ADAMTSL1: variants seen among roughly 807,000 people sequenced by gnomAD.
ADAMTSL1 encodes the protein ADAMTS like 1.
Under a neutral mutation model 201.8 loss-of-function variants are expected in ADAMTSL1, and 126 were observed. That is an observed-to-expected ratio of 0.62 (90% CI 0.54 to 0.72). The LOEUF (loss-of-function observed/expected upper bound fraction) is 0.72, where lower values mean the gene tolerates loss of function less well. ADAMTSL1 is among the 30% of genes least tolerant of loss of function. The pLI, the probability that ADAMTSL1 is intolerant of heterozygous loss-of-function variation, is 0.00. For synonymous variants in ADAMTSL1, 1,121 were observed against 903.4 expected (o/e 1.24, Z -4.32); for missense variants, 2,679 against 2,277.8 (o/e 1.18, Z -3.59).
At chr9:18,635,417 C>T (rs1299663972) in intron 5 of ADAMTSL1, among the ~76,000 whole-genome samples, 1 of 151,994 alleles carries the variant, frequency 6.6e-6, no homozygotes, top group Non-Finnish European at 1.5e-5. Context: ...GTGCTCACTA[C>T]ATATAGTATT....
At chr9:18,163,633 G>A (rs530149440) in intron 1 of ADAMTSL1, among the ~76,000 whole-genome samples, 115 of 152,048 alleles carry the variant, frequency 7.6e-4, no homozygotes, top group African/African-American at 1.3e-3. Flanking sequence ...TTGTACACCC[G>A]TCAGTTAAGA....
intron 11 of ADAMTSL1, chr9:18,681,500 CTT>C (rs370098380): frequency 1.1e-5 from 2 of 179,458 alleles, no homozygotes; most frequent in African/African-American, 4.7e-5. Context: ...TCTACAGTCT[CTT>C]TTCTCCTTTC....
At chr9:18,808,993 T>G (rs897986051) in intron 20 of ADAMTSL1, among the ~76,000 whole-genome samples, 3 of 152,164 alleles carry the variant, frequency 2.0e-5, no homozygotes, top group Admixed American at 6.5e-5. Flanking sequence ...AAACACATAT[T>G]TTCACTTAAC....
chr9:17,927,147 C>T (rs1657901399), intron 1 of ADAMTSL1, among the ~76,000 whole-genome samples: 1 of 152,186 alleles, frequency 6.6e-6, no homozygotes, highest in African/African-American at 2.4e-5. Flanking sequence ...AAGTTGGAAT[C>T]ACACAGTATT....
intron 2 of ADAMTSL1, among the ~76,000 whole-genome samples, chr9:18,230,839 C>T (rs1318933020): frequency 6.6e-6 from 1 of 152,090 alleles, no homozygotes; most frequent in Non-Finnish European, 1.5e-5. Flanking sequence ...TACATCCATT[C>T]TTCTGCAAGT....
At chr9:18,775,712 T>A in intron 17 of ADAMTSL1, 31 bp from the exon 18 acceptor site, 1 of 1,607,248 alleles carries the variant, frequency 6.2e-7, no homozygotes, top group Non-Finnish European at 8.5e-7. Flanking sequence ...TCCCAGAATT[T>A]ATGTGCATTT....
At chr9:18,192,026 G>C (rs1045651853) in intron 2 of ADAMTSL1, among the ~76,000 whole-genome samples, 2 of 152,114 alleles carry the variant, frequency 1.3e-5, no homozygotes, top group African/African-American at 4.8e-5. Context: ...TACGGTGTTT[G>C]ACATTGATGG....
At chr9:18,655,083 A>G (rs1828545225) in intron 7 of ADAMTSL1, among the ~76,000 whole-genome samples, 1 of 152,276 alleles carries the variant, frequency 6.6e-6, no homozygotes, top group African/African-American at 2.4e-5. Flanking sequence ...AAAGAAACTT[A>G]GGGAAAATCC....
intron 4 of ADAMTSL1, among the ~76,000 whole-genome samples, chr9:18,610,097 A>G (rs1362108234): frequency 7.2e-5 from 11 of 152,120 alleles, no homozygotes; most frequent in Non-Finnish European, 1.3e-4. Context: ...GAACATGTGG[A>G]TCAAAAACTG....
At chr9:18,301,771 A>G (rs1467938565) in intron 2 of ADAMTSL1, among the ~76,000 whole-genome samples, 1 of 152,252 alleles carries the variant, frequency 6.6e-6, no homozygotes, top group Non-Finnish European at 1.5e-5. Context: ...AAAATGTACT[A>G]ACCTTATGGG....
At chr9:18,290,782 T>G (rs1003057936) in intron 2 of ADAMTSL1, among the ~76,000 whole-genome samples, 3 of 53,264 alleles carry the variant, frequency 5.6e-5, no homozygotes, top group East Asian at 4.0e-4. Context: ...TTTTTGTGTG[T>G]TTTTTTTTTT....
At chr9:18,752,412 C>T (rs2133606297) in intron 15 of ADAMTSL1, among the ~76,000 whole-genome samples, 1 of 152,318 alleles carries the variant, frequency 6.6e-6, no homozygotes, top group African/African-American at 2.4e-5. Flanking sequence ...TGGCCAATTC[C>T]TGTTTGTAAA....
At chr9:18,020,721 C>T (rs923833213) in intron 1 of ADAMTSL1, among the ~76,000 whole-genome samples, 18 of 151,996 alleles carry the variant, frequency 1.2e-4, no homozygotes, top group African/African-American at 2.4e-5. Context: ...CCATATCACC[C>T]GGGTTCCTTG....
intron 16 of ADAMTSL1, among the ~76,000 whole-genome samples, chr9:18,754,232 C>G (rs1237412541): frequency 6.6e-6 from 1 of 152,180 alleles, no homozygotes; most frequent in African/African-American, 2.4e-5. Context: ...CCTTTACAAA[C>G]AAAATTTCTG....
intron 2 of ADAMTSL1, among the ~76,000 whole-genome samples, chr9:18,212,841 C>T (rs1653316086): frequency 1.3e-5 from 2 of 152,112 alleles, no homozygotes; most frequent in African/African-American, 4.8e-5. Flanking sequence ...CTTCAACATT[C>T]CCCACAAATT....
intron 19 of ADAMTSL1, 114 bp downstream of exon 19, chr9:18,778,020 C>A (rs1034163762): frequency 2.2e-6 from 3 of 1,349,118 alleles, no homozygotes; most frequent in Admixed American, 2.8e-5. Context: ...TTAGAGCTGG[C>A]CTCGGGGACC....
intron 3 of ADAMTSL1, among the ~76,000 whole-genome samples, chr9:18,559,941 A>G (rs562751085): frequency 2.0e-5 from 3 of 152,288 alleles, no homozygotes; most frequent in African/African-American, 7.2e-5. Flanking sequence ...ATATACAATT[A>G]TGTCATCTGC....
At chr9:18,399,280 CAT>C (rs561622408) in intron 2 of ADAMTSL1, among the ~76,000 whole-genome samples, 2,158 of 30,562 alleles carry the variant, frequency 0.071, 44 homozygotes, top group Middle Eastern at 0.11. Flanking sequence ...GTCTGCTTTA[CAT>C]ATATATATAT....
At chr9:18,675,421 G>C (rs1830079214) in intron 9 of ADAMTSL1, among the ~76,000 whole-genome samples, 1 of 152,128 alleles carries the variant, frequency 6.6e-6, no homozygotes, top group African/African-American at 2.4e-5. Context: ...TCTCCAGCTT[G>C]AATAGCTCTC....
Sources: gnomAD v4.1 joint callset for allele counts (sites outside exome capture counted in the v4.1 genomes callset) on GRCh38, gnomAD v4.1.1 for gene constraint, MANE v1.5 for transcripts, NCBI Gene and HGNC (gene_info 2026-07-23, HGNC 2026-07-21) for gene names.